CEP95: variants seen among roughly 807,000 people sequenced by gnomAD.
CEP95 encodes the protein centrosomal protein of 95 kDa.
A neutral mutation model predicts 111.2 loss-of-function variants in CEP95; 98 were observed. The observed-to-expected ratio is 0.88, with a 90% CI of 0.75 to 1.04. The LOEUF (loss-of-function observed/expected upper bound fraction) is 1.04. CEP95 is among the 50% of genes least tolerant of loss of function. CEP95 has a pLI of 0.00. For missense variants in CEP95, 1,027 were observed against 977.2 expected (o/e 1.05, Z -0.68); for synonymous variants, 323 against 327.1 (o/e 0.99, Z 0.14).
Position 64,522,711 on chromosome 17 carries a change from T to C in CEP95, c.725T>C (p.Leu242Pro). 1 of 1,612,424 alleles carries C rather than the reference T, an allele frequency of 6.2e-7. No individual in the cohort carries two copies. The highest frequency in any genetic ancestry group is 8.5e-7 in the Non-Finnish European group (1 of 1,179,174). The change falls in exon 8 of 20, where the codon CTT becomes CCT. Residue 242 changes from leucine to proline, a missense_variant. Physicochemically the swap from Leu to Pro is moderately conservative, Grantham distance 98 (BLOSUM62 -3). Coordinates refer to ENST00000556440, the MANE Select transcript of CEP95 (RefSeq NM_138363.3). ...RTSFVEDTET[L>P]SVSGIPNARK... ...TAATTTGTCTTACTAGCGGAAACCC[T>C]TTCTGTGAGTGGGATTCCAAATGCT...
chr17:64,537,160 C>T (rs1403137853), intron 19 of CEP95, 48 bp downstream of exon 19: 3 of 1,592,816 alleles, frequency 1.9e-6, no homozygotes, highest in African/African-American at 2.7e-5. Context: ...GGCAATGTTT[C>T]TTTCAGCAAG....
intron 1 of CEP95, 101 bp downstream of exon 1, chr17:64,507,217 TCGTGAC>T: frequency 6.5e-7 from 1 of 1,531,594 alleles, no homozygotes; most frequent in South Asian, 1.2e-5. Flanking sequence ...TCGGCGGGGC[TCGTGAC>T]CTTCAGACGC....
At chr17:64,528,718 A>T (rs1968045792) in intron 11 of CEP95, among the ~76,000 whole-genome samples, 1 of 152,258 alleles carries the variant, frequency 6.6e-6, no homozygotes, top group South Asian at 2.1e-4. Flanking sequence ...CCCTCTTCAC[A>T]ACTAGCAGAT....
At chr17:64,519,549 G>A in intron 6 of CEP95, 113 bp downstream of exon 6, 3 of 726,596 alleles carry the variant, frequency 4.1e-6, no homozygotes, top group Non-Finnish European at 4.5e-6. Flanking sequence ...CTGGACATGG[G>A]ATTTGAAATT....
intron 2 of CEP95, among the ~76,000 whole-genome samples, chr17:64,509,159 C>G (rs1430207589): frequency 2.6e-5 from 4 of 152,144 alleles, no homozygotes; most frequent in Non-Finnish European, 4.4e-5. Context: ...AGAATTGATG[C>G]TTGTAGATGA....
chr17:64,526,089 A>C lies in CEP95; in HGVS notation c.1041A>C (p.Thr347=), dbSNP rs1310427026. ...PKGKRNENRA[T]ASSCNSPFPQ... Reference sequence around the variant, plus strand: ...ATTACAGAAATGAAAACAGAGCTACAGCCTCATCCTGCAATTCACCTTTCC... The same window carrying C: ...ATTACAGAAATGAAAACAGAGCTACCGCCTCATCCTGCAATTCACCTTTCC... The change falls in exon 10 of 20, where the codon ACA becomes ACC. Residue 347 remains threonine, a synonymous_variant. Transcript: ENST00000556440. The C allele has an allele frequency of 1.2e-6, 2 of 1,613,666 alleles. No individual in the cohort carries two copies. The highest frequency in any genetic ancestry group is 8.5e-7 in the Non-Finnish European group (1 of 1,179,770).
chr17:64,510,921 A>G (rs569363314), intron 3 of CEP95, among the ~76,000 whole-genome samples: 9 of 152,310 alleles, frequency 5.9e-5, no homozygotes, highest in African/African-American at 1.9e-4. Context: ...GGTTTGAGAA[A>G]TAAAGGGACA....
In CEP95 at chr17:64,537,841, C is replaced by A; in HGVS notation, c.*62C>A. 9.6e-7 allele frequency: 1 copy of A among 1,044,056 alleles called. No individual in the cohort carries two copies. The allele number at this position is 1,044,056 out of a possible 1,614,324, so 64.7% of individuals were successfully genotyped here. On this transcript the variant is annotated 3_prime_UTR_variant, in exon 20 of 20. Coordinates refer to ENST00000556440, the MANE Select transcript of CEP95 (RefSeq NM_138363.3). ...GCCTTTACCAGGACAGAGCTAGAAT[C>A]GAGCCAGTAAACAGTCTAAGCCAGA...
chr17:64,527,891 T>C (rs187514354), intron 11 of CEP95, among the ~76,000 whole-genome samples: 7,176 of 141,412 alleles, frequency 0.051, 186 homozygotes, highest in South Asian at 0.084. Context: ...TATATATATA[T>C]ACACACACAC....
At chr17:64,525,176 CTAAAAA>C (rs1328319608) in intron 8 of CEP95, among the ~76,000 whole-genome samples, 1 of 151,742 alleles carries the variant, frequency 6.6e-6, no homozygotes, top group African/African-American at 2.4e-5. Flanking sequence ...ACCGTCTTTA[CTAAAAA>C]TACACAAAAA....
In CEP95 at chr17:64,507,078, C is replaced by G. The variant is rs1380434599; in HGVS notation, c.-20C>G. 3.2e-6 allele frequency: 5 copies of G among 1,550,634 alleles called. No homozygotes were observed. The African/African-American group carries it at 4.1e-5, about 13-fold the overall frequency. ...CCTTCCCGGCCGCGTCGGAGTCCGG[C>G]GGCGACCTGCCTCTGAAACATGGCA... On this transcript the variant is annotated 5_prime_UTR_variant, in exon 1 of 20. Coordinates refer to ENST00000556440, the MANE Select transcript of CEP95 (RefSeq NM_138363.3).
At position 64,537,040 on chromosome 17, in the gene CEP95, G is replaced by A; in HGVS notation, c.2218-1G>A. 6.2e-7 allele frequency: 1 copy of A among 1,610,260 alleles called. No homozygotes were observed. Among genetic ancestry groups the A allele is most frequent in the Non-Finnish European group, 8.5e-7 (1 of 1,177,940 alleles). ...TTTGTTTTTTTTCTTCCTATAAACA[G>A]TTTTCATTGCTGGCAGAAGCCATAT... On this transcript the variant is annotated splice_acceptor_variant, in intron 18 of 19. Coordinates refer to ENST00000556440, the MANE Select transcript of CEP95 (RefSeq NM_138363.3). LOFTEE classifies it high-confidence loss of function.
At chr17:64,534,830 T>C (rs1555681257) in intron 17 of CEP95, 93 bp downstream of exon 17, 1 of 1,459,518 alleles carries the variant, frequency 6.9e-7, no homozygotes, top group East Asian at 2.5e-5. Context: ...TGTCCAAATT[T>C]GAATCCAAAA....
intron 7 of CEP95, among the ~76,000 whole-genome samples, chr17:64,522,067 G>A (rs1038558103): frequency 6.6e-6 from 1 of 151,958 alleles, no homozygotes; most frequent in Non-Finnish European, 1.5e-5. Context: ...TGGCCAGGCT[G>A]GTCTCGAACT....
At chr17:64,528,113 T>C (rs1318242691) in intron 11 of CEP95, among the ~76,000 whole-genome samples, 1 of 152,146 alleles carries the variant, frequency 6.6e-6, no homozygotes, top group Non-Finnish European at 1.5e-5. Context: ...TATACTCGTA[T>C]CAGCAGTTTC....
intron 6 of CEP95, 89 bp from the exon 7 acceptor site, chr17:64,521,313 C>T: frequency 2.4e-6 from 2 of 845,144 alleles, no homozygotes; most frequent in East Asian, 2.6e-5. Flanking sequence ...ATATTTGTTT[C>T]CTGAGTACAA....
intron 7 of CEP95, 47 bp downstream of exon 7, chr17:64,521,574 G>T (rs1967339209): frequency 6.4e-7 from 1 of 1,574,546 alleles, no homozygotes; most frequent in Admixed American, 1.9e-5. Flanking sequence ...GATCATTCTT[G>T]GGGCAATTGT....
In CEP95 at chr17:64,506,996, G is replaced by C. The variant is rs1555673096; in HGVS notation, c.-102G>C. 7.3e-7 allele frequency: 1 copy of C among 1,374,910 alleles called. No individual in the cohort carries two copies. The highest frequency in any genetic ancestry group is 1.4e-5 in the African/African-American group (1 of 69,914). 85.2% of individuals were successfully genotyped at this position (1,374,910 alleles called of 1,614,324 possible). A position where few individuals can be genotyped will look rare whatever the true frequency, so the allele number is the denominator to read the frequency against. On this transcript the variant is annotated 5_prime_UTR_variant, in exon 1 of 20. Coordinates refer to ENST00000556440, the MANE Select transcript of CEP95 (RefSeq NM_138363.3). ...CGCCTCCTTCCCCGCGCTTTGGTTC[G>C]TGCGTCCGCGCCCCAGTGTCGGGTC...
At chr17:64,531,328 TAAAG>T (rs1396940464) in intron 13 of CEP95, among the ~76,000 whole-genome samples, 1 of 152,088 alleles carries the variant, frequency 6.6e-6, no homozygotes. Context: ...CTGACAAAAT[TAAAG>T]AAGAGTAAGA....
Sources: gnomAD v4.1 joint callset for allele counts (sites outside exome capture counted in the v4.1 genomes callset) on GRCh38, gnomAD v4.1.1 for gene constraint, MANE v1.5 for transcripts, NCBI Gene and HGNC (gene_info 2026-07-23, HGNC 2026-07-21) for gene names.